The following ARHGAP28 variants were observed in gnomAD, a reference collection of about 807,000 sequenced individuals.
ARHGAP28 encodes the protein Rho GTPase activating protein 28, also known as rho GTPase-activating protein 28.
ARHGAP28 carries 56 observed loss-of-function variants against 90.7 expected under a neutral mutation model. The observed-to-expected ratio is 0.62, with a 90% CI of 0.50 to 0.77. ARHGAP28 has a LOEUF of 0.77. Ranked by LOEUF, ARHGAP28 falls within the 30% of genes least tolerant of loss-of-function variation. ARHGAP28 has a pLI of 0.00. For synonymous variants in ARHGAP28, 308 were observed against 323.3 expected (o/e 0.95, Z 0.51); for missense variants, 869 against 900.9 (o/e 0.96, Z 0.45).
intron 12 of ARHGAP28, 37 bp downstream of exon 12, chr18:6,887,276 C>T (rs754953104): frequency 4.4e-6 from 7 of 1,585,846 alleles, no homozygotes; most frequent in African/African-American, 1.3e-5. Flanking sequence ...TCCTGGGGCT[C>T]TTATTGCTCA....
chr18:6,861,876 GAGAA>G (rs1329161932), intron 5 of ARHGAP28, among the ~76,000 whole-genome samples: 1 of 152,216 alleles, frequency 6.6e-6, no homozygotes, highest in Admixed American at 6.5e-5. Flanking sequence ...GAGGGTATAA[GAGAA>G]AGAAAAGGGT....
intron 1 of ARHGAP28, among the ~76,000 whole-genome samples, chr18:6,819,060 A>C (rs76911193): frequency 6.6e-6 from 1 of 152,210 alleles, no homozygotes; most frequent in Non-Finnish European, 1.5e-5. Context: ...TATGACAGTA[A>C]CTCGTTATGT....
chr18:6,820,230 A>G (rs145908702), intron 1 of ARHGAP28, among the ~76,000 whole-genome samples: 1 of 152,342 alleles, frequency 6.6e-6, no homozygotes, highest in African/African-American at 2.4e-5. Flanking sequence ...CTGAATCTCT[A>G]AAAAGAACTA....
chr18:6,841,180 C>CTCTCT lies in ARHGAP28; in HGVS notation c.543+3766_543+3767insTCTCT, dbSNP rs1491103592. 6.7e-3 allele frequency among the ~76,000 whole-genome samples: 380 copies of CTCTCT among 56,952 alleles called. 10 individuals carry two copies. Among genetic ancestry groups the CTCTCT allele is most frequent in the African/African-American group, 9.3e-3 (89 of 9,522 alleles). The allele number at this position is 56,952 out of a possible 152,430, so 37.4% of individuals were successfully genotyped here. On this transcript the variant is annotated intron_variant, in intron 3 of 17. Coordinates refer to ENST00000383472, the MANE Select transcript of ARHGAP28 (RefSeq NM_001366230.1). ...CTTTCTCTCTCTCCTCTCTCTCTCT[C>CTCTCT]CTCTCTCTCTCTCTCTCTCTCTCCT... is the stretch of plus-strand genomic sequence containing the variant.
rs1037294361 is a variant in ARHGAP28 at position 6,825,038 on chromosome 18, C to T, written c.325+74C>T. ...TGCCCTCTGTTACTCTGTTCATAGG[C>T]AGAAATCATCCCACCAATAGTTTAA... On this transcript the variant is annotated intron_variant, in intron 2 of 17. Transcript: ENST00000383472. 52 of 1,272,940 alleles carry T rather than the reference C, an allele frequency of 4.1e-5. 1 individual carries two copies. In the Middle Eastern group the frequency reaches 8.1e-4, roughly 20 times the overall value. 78.9% of individuals were successfully genotyped at this position (1,272,940 alleles called of 1,614,324 possible).
chr18:6,871,841 G>A (rs2057092262), intron 7 of ARHGAP28, among the ~76,000 whole-genome samples: 1 of 152,138 alleles, frequency 6.6e-6, no homozygotes, highest in Non-Finnish European at 1.5e-5. Flanking sequence ...GACTCACGGA[G>A]TGCCTTCTAC....
intron 1 of ARHGAP28, among the ~76,000 whole-genome samples, chr18:6,791,936 T>C (rs1380843045): frequency 6.6e-6 from 1 of 152,030 alleles, no homozygotes; most frequent in Non-Finnish European, 1.5e-5. Flanking sequence ...GTAGCTGAGA[T>C]TACAGGCACC....
At chr18:6,754,095 A>G (rs367697482) in intron 1 of ARHGAP28, among the ~76,000 whole-genome samples, 61 of 152,354 alleles carry the variant, frequency 4.0e-4, no homozygotes, top group Middle Eastern at 6.8e-3. Flanking sequence ...TAGGAAGAAT[A>G]CTGTTTAAAA....
chr18:6,828,055 G>A (rs2143803173), intron 2 of ARHGAP28, among the ~76,000 whole-genome samples: 2 of 152,222 alleles, frequency 1.3e-5, no homozygotes, highest in East Asian at 3.9e-4. Flanking sequence ...CTCCAGCCTG[G>A]GCACCATTGA....
At chr18:6,879,290 T>C (rs2143616029) in intron 10 of ARHGAP28, among the ~76,000 whole-genome samples, 1 of 152,360 alleles carries the variant, frequency 6.6e-6, no homozygotes, top group African/African-American at 2.4e-5. Context: ...TTTGACTAGT[T>C]TGAATCATTC....
In ARHGAP28 at chr18:6,914,820, ATTCATTGTT is replaced by A. The variant is rs1177362650; in HGVS notation, c.*2670_*2678del. 1 of 152,546 alleles carries A rather than the reference ATTCATTGTT, an allele frequency of 6.6e-6. No individual in the cohort carries two copies. Among genetic ancestry groups the A allele is most frequent in the Non-Finnish European group, 1.5e-5 (1 of 68,008 alleles). The allele number at this position is 152,546 out of a possible 1,614,324, so 9.4% of individuals were successfully genotyped here. On this transcript the variant is annotated 3_prime_UTR_variant, in exon 18 of 18. Transcript: ENST00000383472. ...TATTCAGAAAAAAATCCTAGAGTTG[ATTCATTGTT>A]TTCCTCCATCCTGCAAAAGAAGATC... is the stretch of plus-strand genomic sequence containing the variant.
chr18:6,877,766 A>G (rs1301355207), intron 10 of ARHGAP28, among the ~76,000 whole-genome samples: 7 of 152,170 alleles, frequency 4.6e-5, no homozygotes, highest in East Asian at 1.9e-4. Context: ...ATACTCTTCT[A>G]AAAAAATGTA....
intron 1 of ARHGAP28, among the ~76,000 whole-genome samples, chr18:6,796,283 AT>A (rs1260033424): frequency 6.6e-6 from 1 of 151,962 alleles, no homozygotes; most frequent in African/African-American, 2.4e-5. Context: ...ACATGCATAC[AT>A]TTTTTTCAGA....
At chr18:6,758,898 G>C (rs2143314262) in intron 1 of ARHGAP28, among the ~76,000 whole-genome samples, 1 of 152,232 alleles carries the variant, frequency 6.6e-6, no homozygotes, top group African/African-American at 2.4e-5. Context: ...GCATAGTACT[G>C]CTTTAGATTT....
chr18:6,760,341 C>A (rs11876968), intron 1 of ARHGAP28, among the ~76,000 whole-genome samples: 94,936 of 151,936 alleles, frequency 0.62, 30,701 homozygotes, highest in Middle Eastern at 0.72. Flanking sequence ...TCTTATCCTA[C>A]AAACCAGACT....
At chr18:6,789,707 C>G (rs971368417) in intron 1 of ARHGAP28, 6 of 151,932 alleles carry the variant, frequency 3.9e-5, no homozygotes, top group African/African-American at 1.4e-4. Flanking sequence ...TTTAATTTAA[C>G]ACTATGAAAA....
intron 1 of ARHGAP28, among the ~76,000 whole-genome samples, chr18:6,792,651 C>T (rs1022272161): frequency 2.0e-5 from 3 of 152,156 alleles, no homozygotes; most frequent in Admixed American, 1.3e-4. Flanking sequence ...ATCAAGTGCC[C>T]CTCCTTCATT....
chr18:6,815,209 G>A (rs949397137), intron 1 of ARHGAP28, among the ~76,000 whole-genome samples: 12 of 152,192 alleles, frequency 7.9e-5, no homozygotes, highest in Admixed American at 5.9e-4. Context: ...TGCCTGCAAA[G>A]CAGACATTTT....
intron 1 of ARHGAP28, among the ~76,000 whole-genome samples, chr18:6,814,967 T>C (rs2143710072): frequency 6.6e-6 from 1 of 152,248 alleles, no homozygotes; most frequent in African/African-American, 2.4e-5. Context: ...CATAGATTCC[T>C]TCCTGAGTAG....
Sources: allele counts gnomAD v4.1 joint callset (sites outside exome capture counted in the v4.1 genomes callset), GRCh38; gene constraint gnomAD v4.1.1; transcripts MANE v1.5; gene names NCBI Gene and HGNC (gene_info 2026-07-23, HGNC 2026-07-21).